Variants in SMYD3 observed in about 807,000 individuals in gnomAD.
SMYD3 encodes the protein histone-lysine N-methyltransferase SMYD3.
In SMYD3, 36 loss-of-function variants were observed where a neutral mutation model predicts 57.7. That is an observed-to-expected ratio of 0.62 (90% CI 0.48 to 0.82). The LOEUF (loss-of-function observed/expected upper bound fraction) is 0.82. SMYD3 is among the 40% of genes least tolerant of loss of function. SMYD3 has a pLI of 0.00. For missense variants in SMYD3, 515 were observed against 538.8 expected, an observed-to-expected ratio of 0.96 and a Z score of 0.44; for synonymous variants, 211 against 195.0, an observed-to-expected ratio of 1.08 and a Z score of -0.68.
intron 1 of SMYD3, among the ~76,000 whole-genome samples, chr1:246,411,923 T>A (rs2066979925): frequency 6.8e-6 from 1 of 147,536 alleles, no homozygotes; most frequent in East Asian, 2.0e-4. Flanking sequence ...CATGTATACA[T>A]ATGTAACAAA....
chr1:246,038,561 T>C (rs2059817535), intron 5 of SMYD3, among the ~76,000 whole-genome samples: 1 of 152,190 alleles, frequency 6.6e-6, no homozygotes, highest in Non-Finnish European at 1.5e-5. Flanking sequence ...TAAAAAACAC[T>C]TCTCGACACA....
chr1:246,503,868 C>G (rs1004354650), intron 1 of SMYD3, among the ~76,000 whole-genome samples: 1 of 150,426 alleles, frequency 6.6e-6, no homozygotes, highest in Non-Finnish European at 1.5e-5. Context: ...GCAGGAGAAT[C>G]GCTTGCACCT....
intron 1 of SMYD3, among the ~76,000 whole-genome samples, chr1:246,461,202 A>T (rs920636414): frequency 1.3e-5 from 2 of 152,234 alleles, no homozygotes; most frequent in Admixed American, 1.3e-4. Context: ...TAATTCAAGC[A>T]TGTTTATTCT....
At chr1:246,401,879 C>T (rs990120382) in intron 1 of SMYD3, among the ~76,000 whole-genome samples, 2 of 151,950 alleles carry the variant, frequency 1.3e-5, no homozygotes, top group South Asian at 2.1e-4. Flanking sequence ...TGTGCCACCA[C>T]GCCCGGCTAA....
intron 1 of SMYD3, among the ~76,000 whole-genome samples, chr1:246,402,315 G>A (rs138236186): frequency 1.5e-3 from 173 of 116,566 alleles, no homozygotes; most frequent in Non-Finnish European, 2.9e-3. Flanking sequence ...AATAAAATGT[G>A]AGGCAAAACT....
intron 5 of SMYD3, among the ~76,000 whole-genome samples, chr1:246,107,230 T>C (rs2061146276): frequency 6.6e-6 from 1 of 150,574 alleles, no homozygotes; most frequent in East Asian, 1.9e-4. Context: ...GAGCTTGCAG[T>C]GAGCCGAGAT....
intron 10 of SMYD3, among the ~76,000 whole-genome samples, chr1:245,804,639 G>T (rs1306626704): frequency 6.6e-6 from 1 of 152,214 alleles, no homozygotes; most frequent in Non-Finnish European, 1.5e-5. Context: ...ATTAAGCCAT[G>T]AGGGCTCTGC....
intron 5 of SMYD3, among the ~76,000 whole-genome samples, chr1:246,067,639 G>A (rs1572970943): frequency 1.3e-5 from 2 of 152,122 alleles, no homozygotes; most frequent in Admixed American, 6.5e-5. Context: ...GGCGCTCCAA[G>A]GAGAGTGAGT....
chr1:246,173,154 C>T (rs1051699396), intron 5 of SMYD3, among the ~76,000 whole-genome samples: 7 of 150,394 alleles, frequency 4.7e-5, no homozygotes, highest in African/African-American at 1.7e-4. Flanking sequence ...CTGTTCTCTA[C>T]TGCAGACTAT....
At chr1:245,789,293 A>G (rs1307524339) in intron 10 of SMYD3, among the ~76,000 whole-genome samples, 1 of 152,188 alleles carries the variant, frequency 6.6e-6, no homozygotes, top group East Asian at 1.9e-4. Flanking sequence ...GTATAAATGG[A>G]AAGTTGTTGC....
chr1:246,449,797 C>G (rs139552970), intron 1 of SMYD3, among the ~76,000 whole-genome samples: 17 of 152,270 alleles, frequency 1.1e-4, no homozygotes, highest in African/African-American at 3.6e-4. Flanking sequence ...TGTTCTTCAG[C>G]TTTGAAACCT....
chr1:246,038,546 G>A (rs1165484923), intron 5 of SMYD3, among the ~76,000 whole-genome samples: 1 of 152,130 alleles, frequency 6.6e-6, no homozygotes, highest in Non-Finnish European at 1.5e-5. Flanking sequence ...CTGTATTCTA[G>A]ACGTTAAAAA....
intron 5 of SMYD3, among the ~76,000 whole-genome samples, chr1:246,307,467 T>C (rs1331697965): frequency 2.8e-5 from 4 of 142,428 alleles, no homozygotes; most frequent in Admixed American, 7.3e-5. Flanking sequence ...TCGCCCAGGC[T>C]GGAGTGCAGT....
At chr1:246,331,014 A>G (rs987182445) in intron 3 of SMYD3, among the ~76,000 whole-genome samples, 11 of 152,216 alleles carry the variant, frequency 7.2e-5, no homozygotes, top group African/African-American at 2.7e-4. Flanking sequence ...ATGCACCTGT[A>G]GTCCCAGCTA....
intron 10 of SMYD3, 83 bp from the exon 11 acceptor site, chr1:245,764,232 G>A (rs975719552): frequency 1.2e-6 from 1 of 854,748 alleles, no homozygotes; most frequent in African/African-American, 1.7e-5. Context: ...GAAAGTGGAA[G>A]CAGACACTAG....
intron 8 of SMYD3, among the ~76,000 whole-genome samples, chr1:245,896,417 T>A (rs2053803559): frequency 1.8e-5 from 2 of 111,070 alleles, no homozygotes; most frequent in Admixed American, 9.1e-5. Flanking sequence ...CAGGCAATGA[T>A]CTCCCTGGAC....
chr1:246,500,846 C>G (rs1363521543), intron 1 of SMYD3, among the ~76,000 whole-genome samples: 1 of 152,188 alleles, frequency 6.6e-6, no homozygotes, highest in East Asian at 1.9e-4. Context: ...AATGTTTTCA[C>G]CAGGGCTCAG....
chr1:246,282,608 C>T (rs2064477509), intron 5 of SMYD3, among the ~76,000 whole-genome samples: 1 of 150,506 alleles, frequency 6.6e-6, no homozygotes, highest in Non-Finnish European at 1.5e-5. Context: ...TATTTTTCCA[C>T]ATCTCTTTTC....
chr1:245,900,612 C>T (rs2054120587), intron 8 of SMYD3, among the ~76,000 whole-genome samples: 1 of 152,234 alleles, frequency 6.6e-6, no homozygotes, highest in Admixed American at 6.5e-5. Flanking sequence ...ACCCCACCTA[C>T]TAAAGCTACG....
Sources: gnomAD v4.1 joint callset for allele counts (sites outside exome capture counted in the v4.1 genomes callset) on GRCh38, gnomAD v4.1.1 for gene constraint, MANE v1.5 for transcripts, NCBI Gene and HGNC (gene_info 2026-07-23, HGNC 2026-07-21) for gene names.